The following CCDC57 variants were observed in gnomAD, a reference collection of about 807,000 sequenced individuals.
CCDC57 encodes the protein coiled-coil domain-containing protein 57.
In CCDC57, 118 loss-of-function variants were observed where a neutral mutation model predicts 118.9. That is an observed-to-expected ratio of 0.99 (90% CI 0.86 to 1.16). CCDC57 has a LOEUF of 1.16. Ranked by LOEUF, CCDC57 falls within the 50% of genes most tolerant of loss-of-function variation. The pLI is 0.00. For missense variants in CCDC57, 1,300 were observed against 1,320.7 expected (o/e 0.98, Z 0.24); for synonymous variants, 527 against 532.9 (o/e 0.99, Z 0.15).
At chr17:82,169,094 T>C (rs928893508) in intron 13 of CCDC57, among the ~76,000 whole-genome samples, 4 of 152,142 alleles carry the variant, frequency 2.6e-5, no homozygotes, top group African/African-American at 9.7e-5. Flanking sequence ...AATATCAGCA[T>C]TGGAAAAGAA....
At chr17:82,162,921 C>T (rs528544323) in intron 14 of CCDC57, among the ~76,000 whole-genome samples, 31 of 152,238 alleles carry the variant, frequency 2.0e-4, no homozygotes, top group South Asian at 1.7e-3. Context: ...CCCCTCTGAG[C>T]GGGCACAGCC....
intron 16 of CCDC57, among the ~76,000 whole-genome samples, chr17:82,141,947 G>T (rs1432037644): frequency 6.6e-6 from 1 of 152,146 alleles, no homozygotes; most frequent in African/African-American, 2.4e-5. Flanking sequence ...TTTTACCACT[G>T]ATAGGCATGC....
chr17:82,179,091 A>G (rs373248102), exon 10 of CCDC57: 1 of 1,613,922 alleles, frequency 6.2e-7, no homozygotes, highest in Non-Finnish European at 8.5e-7. Context: ...GTCCCTTTCA[A>G]TGTCATCACA....
At chr17:82,104,247 C>T (rs2034681275) in intron 19 of CCDC57, among the ~76,000 whole-genome samples, 1 of 152,206 alleles carries the variant, frequency 6.6e-6, no homozygotes, top group African/African-American at 2.4e-5. Context: ...CTGACTGGGC[C>T]GCAGGGAAAC....
At chr17:82,146,449 T>C (rs2040750225) in intron 16 of CCDC57, among the ~76,000 whole-genome samples, 1 of 152,048 alleles carries the variant, frequency 6.6e-6, no homozygotes, top group African/African-American at 2.4e-5. Context: ...GGCAGGATCA[T>C]ACCCACTGCA....
intron 1 of CCDC57, among the ~76,000 whole-genome samples, chr17:82,211,272 C>G (rs1312844898): frequency 1.3e-5 from 2 of 152,072 alleles, no homozygotes; most frequent in African/African-American, 4.8e-5. Flanking sequence ...TCAATTATGA[C>G]AAAACATCAG....
At position 82,151,569 on chromosome 17, in the gene CCDC57, G is replaced by A. The variant is rs563102725; in HGVS notation, c.2446C>T (p.Arg816Ter). ...CACTTCCCGGACTCACTTTCGGGTCGGCCCAGCTCTGCACGGAGCCTGTTC... is the reference window on the plus strand; with the variant it reads ...CACTTCCCGGACTCACTTTCGGGTCAGCCCAGCTCTGCACGGAGCCTGTTC... Residue 816 changes from arginine (R) to a stop codon, truncating the protein, a stop_gained, in exon 16 of 20, where the codon CGA becomes TGA. Transcript: ENST00000665763. LOFTEE classifies it high-confidence loss of function. 34 of 1,550,194 alleles carry A rather than the reference G, an allele frequency of 2.2e-5. No individual in the cohort carries two copies. Among genetic ancestry groups the A allele is most frequent in the South Asian group, 2.0e-4 (17 of 84,054 alleles).
intron 13 of CCDC57, among the ~76,000 whole-genome samples, chr17:82,169,128 T>A (rs1437501813): frequency 6.6e-6 from 1 of 152,118 alleles, no homozygotes; most frequent in East Asian, 1.9e-4. Flanking sequence ...CTTATTTTAT[T>A]TTACTTTATT....
intron 19 of CCDC57, among the ~76,000 whole-genome samples, chr17:82,115,459 G>C (rs1166957314): frequency 2.0e-5 from 3 of 152,166 alleles, no homozygotes; most frequent in African/African-American, 7.2e-5. Flanking sequence ...CCAGTTAACA[G>C]AATTATGCGA....
intron 4 of CCDC57, among the ~76,000 whole-genome samples, chr17:82,197,467 G>A (rs8073679): frequency 0.45 from 68,093 of 152,066 alleles, 16,161 homozygotes; most frequent in East Asian, 0.88. Flanking sequence ...GGAGAAATTC[G>A]GTGACTGCCA....
At chr17:82,158,056 C>T (rs907686393) in intron 14 of CCDC57, 108 bp from the exon 14 acceptor site, 8 of 1,456,064 alleles carry the variant, frequency 5.5e-6, no homozygotes, top group Non-Finnish European at 7.2e-6. Flanking sequence ...GAACGGGGAG[C>T]CCGGGGTCAG....
intron 19 of CCDC57, among the ~76,000 whole-genome samples, chr17:82,110,951 G>A (rs2035197784): frequency 6.6e-6 from 1 of 151,360 alleles, no homozygotes; most frequent in Non-Finnish European, 1.5e-5. Context: ...CTTGAACCCT[G>A]GAGGTGGAGG....
At chr17:82,154,249 C>T (rs1441754021) in intron 15 of CCDC57, 5 of 152,368 alleles carry the variant, frequency 3.3e-5, no homozygotes, top group Admixed American at 3.3e-4. Flanking sequence ...TCCACAGGCT[C>T]TCCCTCTGCC....
At chr17:82,173,073 T>C (rs1295132814) in intron 11 of CCDC57, among the ~76,000 whole-genome samples, 1 of 151,870 alleles carries the variant, frequency 6.6e-6, no homozygotes, top group Non-Finnish European at 1.5e-5. Flanking sequence ...TTCATACTTT[T>C]GAGATCCCTA....
intron 1 of CCDC57, among the ~76,000 whole-genome samples, chr17:82,208,618 C>T (rs1433932097): frequency 2.0e-5 from 3 of 152,130 alleles, no homozygotes; most frequent in Non-Finnish European, 4.4e-5. Flanking sequence ...GGCTCATTCA[C>T]TTTGTACTCA....
intron 8 of CCDC57, among the ~76,000 whole-genome samples, chr17:82,187,152 G>T (rs141605393): frequency 6.8e-6 from 1 of 146,370 alleles, no homozygotes; most frequent in Non-Finnish European, 1.5e-5. Context: ...CAGGAGAATC[G>T]CTTGAACCCG....
At chr17:82,184,016 TGCGCGCGCGCGC>T (rs141760654) in intron 8 of CCDC57, 84 bp from the exon 8 acceptor site, 2 of 304,612 alleles carry the variant, frequency 6.6e-6, no homozygotes, top group Non-Finnish European at 6.1e-6. Context: ...CAAATACACA[TGCGCGCGCGCGC>T]GCGCACACAC....
At chr17:82,179,063 C>T (rs2045881177) in exon 10 of CCDC57, 2 of 1,613,982 alleles carry the variant, frequency 1.2e-6, no homozygotes, top group South Asian at 2.2e-5. Context: ...GAATCAGGGC[C>T]TCTGACTTTT....
chr17:82,171,943 A>G, intron 12 of CCDC57, 90 bp from the exon 12 acceptor site: 1 of 1,389,990 alleles, frequency 7.2e-7, no homozygotes, highest in South Asian at 1.3e-5. Context: ...AGCCGATGCC[A>G]GCTCATGCCC....
Sources: gnomAD v4.1 joint callset for allele counts (sites outside exome capture counted in the v4.1 genomes callset) on GRCh38, gnomAD v4.1.1 for gene constraint, MANE v1.5 for transcripts, NCBI Gene and HGNC (gene_info 2026-07-23, HGNC 2026-07-21) for gene names.